The following CABIN1 variants were observed in gnomAD, a reference collection of about 807,000 sequenced individuals.
CABIN1 encodes calcineurin binding protein 1, also known as calcineurin-binding protein cabin-1.
Under a neutral mutation model 227.7 loss-of-function variants are expected in CABIN1, and 133 were observed. The ratio of observed to expected loss-of-function variants is 0.58; its 90% CI spans 0.51 to 0.67. The LOEUF (loss-of-function observed/expected upper bound fraction) is 0.67. CABIN1 is among the 30% of genes least tolerant of loss of function. The pLI, the probability that CABIN1 is intolerant of heterozygous loss-of-function variation, is 0.00. For missense variants in CABIN1, 2,408 were observed against 2,852.5 expected, an observed-to-expected ratio of 0.84 and a Z score of 3.55; for synonymous variants, 1,086 against 1,155.1, an observed-to-expected ratio of 0.94 and a Z score of 1.21.
chr22:24,086,787 C>T (rs71318947), intron 22 of CABIN1, among the ~76,000 whole-genome samples: 1,604 of 152,238 alleles, frequency 0.011, 18 homozygotes, highest in Middle Eastern at 0.024. Context: ...CAGTTTCTTT[C>T]GGGTGGTCTC....
rs371344408 is a variant in CABIN1 at position 24,113,532 on chromosome 22, T to C, written c.4118-34T>C. The stretch of plus-strand genomic sequence containing the variant: ...CTGTGTTGGAGGTGGTGTAGGTTAA[T>C]GCTCTCGCCCTCTCTTCCTCCTTCT... On this transcript the variant is annotated intron_variant, in intron 26 of 36. Transcript: ENST00000263119. 9.5e-5 allele frequency: 153 copies of C among 1,604,978 alleles called. No individual in the cohort carries two copies. In the African/African-American group the frequency reaches 1.6e-3, roughly 17 times the overall value.
At chr22:24,029,057 C>T (rs373080143) in intron 1 of CABIN1, among the ~76,000 whole-genome samples, 10 of 151,952 alleles carry the variant, frequency 6.6e-5, no homozygotes, top group African/African-American at 2.4e-4. Context: ...TGCAGGTACT[C>T]GATATTTAAA....
At chr22:24,065,443 G>A (rs2039566988) in intron 15 of CABIN1, among the ~76,000 whole-genome samples, 1 of 150,422 alleles carries the variant, frequency 6.6e-6, no homozygotes, top group South Asian at 2.1e-4. Flanking sequence ...CATCTCAGAC[G>A]ATGGGCGGCC....
intron 23 of CABIN1, among the ~76,000 whole-genome samples, chr22:24,090,455 C>G (rs969180911): frequency 6.6e-6 from 1 of 152,070 alleles, no homozygotes; most frequent in Non-Finnish European, 1.5e-5. Flanking sequence ...GTGTTTGACC[C>G]TGCACTGTGA....
At chr22:24,076,359 C>A in intron 19 of CABIN1, 75 bp downstream of exon 19, 1 of 1,223,744 alleles carries the variant, frequency 8.2e-7, no homozygotes, top group Non-Finnish European at 1.2e-6. Context: ...GGGAAGGGGA[C>A]AGATTCATGT....
At chr22:24,131,331 G>T (rs10427943) in intron 28 of CABIN1, among the ~76,000 whole-genome samples, 1,762 of 152,252 alleles carry the variant, frequency 0.012, 27 homozygotes, top group African/African-American at 0.04. Context: ...ATGACTCTTG[G>T]GTAACTTTTC....
At position 24,119,551 on chromosome 22, in the gene CABIN1, G is replaced by A. The variant is rs995598410; in HGVS notation, c.4485G>A (p.Gln1495=). 5.6e-6 allele frequency: 9 copies of A among 1,613,800 alleles called. No individual in the cohort carries two copies. The highest frequency in any genetic ancestry group is 4.5e-5 in the East Asian group (2 of 44,892). The change falls in exon 28 of 37, where the codon CAG becomes CAA. Residue 1495 remains glutamine, a synonymous_variant. Coordinates refer to ENST00000263119, the MANE Select transcript of CABIN1 (RefSeq NM_012295.4). The stretch of plus-strand genomic sequence containing the variant: ...CAGGGGAGCCAGTGGCCTTCCCCCA[G>A]GGGCTGCCGGCTGGTGCTGAGGAGC... ...DLPGEPVAFP[Q]GLPAGAEEQR... is the part of the protein sequence containing the mutation.
At chr22:24,172,290 T>A (rs2148780548) in intron 34 of CABIN1, among the ~76,000 whole-genome samples, 1 of 152,344 alleles carries the variant, frequency 6.6e-6, no homozygotes, top group South Asian at 2.1e-4. Flanking sequence ...TGTTTGCTAC[T>A]GTTTCCTCCC....
intron 29 of CABIN1, among the ~76,000 whole-genome samples, chr22:24,142,924 G>C (rs533371032): frequency 9.2e-5 from 14 of 152,104 alleles, no homozygotes; most frequent in Non-Finnish European, 1.6e-4. Flanking sequence ...CTCAGGACCA[G>C]TTGTGACCAA....
At chr22:24,062,199 T>C (rs974357851) in intron 13 of CABIN1, among the ~76,000 whole-genome samples, 174 bp downstream of exon 13, 2 of 152,198 alleles carry the variant, frequency 1.3e-5, no homozygotes, top group South Asian at 2.1e-4. Flanking sequence ...CAAGAAGTGG[T>C]TAGCAGTAGC....
rs528581427 is a variant in CABIN1 at position 24,034,204 on chromosome 22, G to A, written c.-74-1240G>A. ...AGGCAGTAATGCTTGCTCACCTGCC[G>A]CTCATCTCCTGTTCTGTGACCCAGT... On this transcript the variant is annotated intron_variant, in intron 1 of 36. Coordinates refer to ENST00000263119, the MANE Select transcript of CABIN1 (RefSeq NM_012295.4). Among the ~76,000 whole-genome samples, 24 of 152,332 alleles carry A rather than the reference G, an allele frequency of 1.6e-4. No individual in the cohort carries two copies. In the East Asian group the frequency reaches 2.9e-3, roughly 18 times the overall value.
intron 16 of CABIN1, among the ~76,000 whole-genome samples, chr22:24,070,233 G>C (rs1168936286): frequency 2.6e-5 from 4 of 152,246 alleles, no homozygotes; most frequent in African/African-American, 4.8e-5. Context: ...TGCCGCTGAG[G>C]GGATGATGTG....
chr22:24,086,106 A>G (rs1023089209), intron 22 of CABIN1, among the ~76,000 whole-genome samples: 1 of 152,222 alleles, frequency 6.6e-6, no homozygotes, highest in Non-Finnish European at 1.5e-5. Flanking sequence ...TCTTTTGCTT[A>G]GCCTGTGGTT....
intron 1 of CABIN1, among the ~76,000 whole-genome samples, chr22:24,031,737 T>C (rs1435956258): frequency 6.6e-6 from 1 of 152,172 alleles, no homozygotes; most frequent in Non-Finnish European, 1.5e-5. Flanking sequence ...GCTCTCCCAC[T>C]TCTTCTAATC....
intron 15 of CABIN1, among the ~76,000 whole-genome samples, chr22:24,065,844 A>G (rs1211393554): frequency 6.6e-6 from 1 of 152,256 alleles, no homozygotes; most frequent in Non-Finnish European, 1.5e-5. Flanking sequence ...TCCACCGAAA[A>G]AATATGAAAA....
At chr22:24,108,781 A>T (rs2147689557) in intron 26 of CABIN1, among the ~76,000 whole-genome samples, 1 of 152,248 alleles carries the variant, frequency 6.6e-6, no homozygotes, top group East Asian at 1.9e-4. Flanking sequence ...AGGCCATCCC[A>T]CTTTGACAGG....
At chr22:24,165,835 G>T (rs1190276225) in intron 31 of CABIN1, among the ~76,000 whole-genome samples, 2 of 152,210 alleles carry the variant, frequency 1.3e-5, no homozygotes, top group Non-Finnish European at 1.5e-5. Flanking sequence ...AGTCATGGAT[G>T]CACTTGGTGA....
At chr22:24,072,281 T>G in intron 17 of CABIN1, 73 bp from the exon 18 acceptor site, 1 of 1,565,872 alleles carries the variant, frequency 6.4e-7, no homozygotes, top group Non-Finnish European at 8.8e-7. Flanking sequence ...AGAGGCCTCC[T>G]GCCTCCCTTC....
chr22:24,132,126 G>C (rs1273638205), intron 28 of CABIN1, among the ~76,000 whole-genome samples: 5 of 151,474 alleles, frequency 3.3e-5, no homozygotes, highest in Admixed American at 2.6e-4. Context: ...TGGCTGATTA[G>C]ACCAGGATGG....
Sources: allele counts gnomAD v4.1 joint callset (sites outside exome capture counted in the v4.1 genomes callset), GRCh38; gene constraint gnomAD v4.1.1; transcripts MANE v1.5; gene names NCBI Gene and HGNC (gene_info 2026-07-23, HGNC 2026-07-21).